The following KCNMB2 variants were observed in gnomAD, a reference collection of about 807,000 sequenced individuals.
The protein encoded by KCNMB2 is calcium-activated potassium channel subunit beta-2.
Under a neutral mutation model 24.5 loss-of-function variants are expected in KCNMB2, and 9 were observed. That is an observed-to-expected ratio of 0.37 (90% CI 0.22 to 0.64). The LOEUF (loss-of-function observed/expected upper bound fraction) is 0.64, where lower values mean the gene tolerates loss of function less well. Ranked by LOEUF, KCNMB2 falls within the 30% of genes least tolerant of loss-of-function variation. KCNMB2 has a pLI of 0.63. For synonymous variants in KCNMB2, 109 were observed against 104.4 expected, an observed-to-expected ratio of 1.04 and a Z score of -0.27; for missense variants, 226 against 284.3, an observed-to-expected ratio of 0.79 and a Z score of 1.47.
chr3:178,815,295 C>T lies in KCNMB2; in HGVS notation c.56+7830C>T, dbSNP rs1015838625. ...CTGAAACTACGGGCATGCACCACTA[C>T]GCCTGGCTAATTTTCTTTTTAGAGA... On this transcript the variant is annotated intron_variant, in intron 2 of 4. Transcript: ENST00000452583. Among the ~76,000 whole-genome samples, 17 of 151,994 alleles carry T rather than the reference C, an allele frequency of 1.1e-4. No individual in the cohort carries two copies. The East Asian group carries it at 1.4e-3, about 12-fold the overall frequency.
At chr3:178,575,533 T>C (rs1716959353) in intron 1 of KCNMB2, among the ~76,000 whole-genome samples, 2 of 152,260 alleles carry the variant, frequency 1.3e-5, no homozygotes, top group Admixed American at 6.5e-5. Context: ...GTAATTTTGC[T>C]GTGATTTCTA....
intron 1 of KCNMB2, among the ~76,000 whole-genome samples, chr3:178,634,356 G>A (rs986183860): frequency 4.6e-5 from 7 of 152,112 alleles, no homozygotes; most frequent in African/African-American, 1.7e-4. Flanking sequence ...AAGGAAAGAG[G>A]TTTAATTGAC....
chr3:178,727,748 A>T (rs1057035085), intron 1 of KCNMB2, among the ~76,000 whole-genome samples: 10 of 152,150 alleles, frequency 6.6e-5, no homozygotes, highest in Non-Finnish European at 1.5e-4. Flanking sequence ...CACTGCACAC[A>T]CCTTTATTTT....
intron 1 of KCNMB2, among the ~76,000 whole-genome samples, chr3:178,607,695 A>T (rs1718326146): frequency 6.6e-6 from 1 of 152,050 alleles, no homozygotes; most frequent in African/African-American, 2.4e-5. Context: ...CAGGTTTGCT[A>T]ACTGGCTTAT....
chr3:178,541,247 G>T (rs990201832), intron 1 of KCNMB2, among the ~76,000 whole-genome samples: 2 of 152,160 alleles, frequency 1.3e-5, no homozygotes, highest in African/African-American at 4.8e-5. Flanking sequence ...GTCTGAATTT[G>T]ATCTTATCCA....
chr3:178,757,935 A>ATATC (rs1560006145), intron 1 of KCNMB2, among the ~76,000 whole-genome samples: 2 of 130,724 alleles, frequency 1.5e-5, no homozygotes, highest in African/African-American at 2.8e-5. Flanking sequence ...ATATATATAT[A>ATATC]CACAAGGGGA....
At chr3:178,652,408 T>A (rs1279197967) in intron 1 of KCNMB2, among the ~76,000 whole-genome samples, 1 of 151,798 alleles carries the variant, frequency 6.6e-6, no homozygotes, top group Non-Finnish European at 1.5e-5. Flanking sequence ...ATGGCATGTG[T>A]ATACCTATGT....
chr3:178,698,302 A>C (rs1308123441), intron 1 of KCNMB2, among the ~76,000 whole-genome samples: 1 of 151,714 alleles, frequency 6.6e-6, no homozygotes, highest in Non-Finnish European at 1.5e-5. Flanking sequence ...TATTTTTTGG[A>C]GGTTTTCTTC....
chr3:178,717,341 A>C (rs1722649905), intron 1 of KCNMB2, among the ~76,000 whole-genome samples: 1 of 152,064 alleles, frequency 6.6e-6, no homozygotes, highest in Non-Finnish European at 1.5e-5. Flanking sequence ...GATCCTGCCC[A>C]GGGCTTCACA....
chr3:178,733,488 A>T (rs923697788), intron 1 of KCNMB2, among the ~76,000 whole-genome samples: 4 of 152,096 alleles, frequency 2.6e-5, no homozygotes, highest in East Asian at 3.9e-4. Context: ...TTATTTATTT[A>T]TTTATTTTTT....
chr3:178,660,976 T>TAC (rs1720504433), intron 1 of KCNMB2, among the ~76,000 whole-genome samples: 1 of 132,748 alleles, frequency 7.5e-6, no homozygotes, highest in South Asian at 2.4e-4. Flanking sequence ...TTTTTATATA[T>TAC]ACACATACAT....
chr3:178,566,824 C>T (rs923815800), intron 1 of KCNMB2, among the ~76,000 whole-genome samples: 6 of 152,144 alleles, frequency 3.9e-5, no homozygotes, highest in East Asian at 1.9e-4. Flanking sequence ...TACCAAGTAG[C>T]GCTGTGCTTA....
Position 178,758,523 on chromosome 3 carries a change from G to GATATATAT in KCNMB2, c.-67-48818_-67-48817insATATATAT, listed in dbSNP as rs1333906601. ...ATATATATATATATCTCCAAGAGGA[G>GATATATAT]ATGTATATATATATATATATATATA... On this transcript the variant is annotated intron_variant, in intron 1 of 4. Transcript: ENST00000452583. Among the ~76,000 whole-genome samples, 92 of 19,596 alleles carry GATATATAT rather than the reference G, an allele frequency of 4.7e-3. 6 individuals are homozygous for GATATATAT. The highest frequency in any genetic ancestry group is 6.7e-3 in the Non-Finnish European group (79 of 11,806). The allele number at this position is 19,596 out of a possible 152,430, so 12.9% of individuals were successfully genotyped here. A position where few individuals can be genotyped will look rare whatever the true frequency, so the allele number is the denominator to read the frequency against.
At chr3:178,574,928 C>T in intron 1 of KCNMB2, among the ~76,000 whole-genome samples, 1 of 152,026 alleles carries the variant, frequency 6.6e-6, no homozygotes, top group Non-Finnish European at 1.5e-5. Context: ...ACTAGCCAGG[C>T]ATGGTGGTGC....
chr3:178,752,119 T>C (rs1326120747), intron 1 of KCNMB2, among the ~76,000 whole-genome samples: 1 of 152,214 alleles, frequency 6.6e-6, no homozygotes, highest in Non-Finnish European at 1.5e-5. Flanking sequence ...CTAGTTGTTA[T>C]ATAGCTACAA....
At chr3:178,824,481 C>G (rs1029187701) in intron 2 of KCNMB2, 1 of 152,984 alleles carries the variant, frequency 6.5e-6, no homozygotes. Context: ...CATTCTCTTG[C>G]CTCAGCCTCC....
chr3:178,542,193 G>A (rs1053336127), intron 1 of KCNMB2, among the ~76,000 whole-genome samples: 3 of 152,158 alleles, frequency 2.0e-5, no homozygotes, highest in African/African-American at 4.8e-5. Flanking sequence ...TTACATTCTA[G>A]TGCTATTCCT....
chr3:178,590,430 T>G (rs1302727353), intron 1 of KCNMB2, among the ~76,000 whole-genome samples: 1 of 152,226 alleles, frequency 6.6e-6, no homozygotes. Context: ...TTTTACTTTT[T>G]GTTTTGTATT....
At chr3:178,606,020 G>T (rs564638302) in intron 1 of KCNMB2, among the ~76,000 whole-genome samples, 3 of 152,124 alleles carry the variant, frequency 2.0e-5, no homozygotes, top group African/African-American at 7.2e-5. Flanking sequence ...ATTTGTGTGG[G>T]CATAAACTGT....
Sources: gnomAD v4.1 joint callset for allele counts (sites outside exome capture counted in the v4.1 genomes callset) on GRCh38, gnomAD v4.1.1 for gene constraint, MANE v1.5 for transcripts, NCBI Gene and HGNC (gene_info 2026-07-23, HGNC 2026-07-21) for gene names.